MINDY2: variants seen among roughly 807,000 people sequenced by gnomAD.
The protein encoded by MINDY2 is ubiquitin carboxyl-terminal hydrolase MINDY-2.
Under a neutral mutation model 68.2 loss-of-function variants are expected in MINDY2, and 52 were observed. That is an observed-to-expected ratio of 0.76 (90% CI 0.61 to 0.96). MINDY2 has a LOEUF of 0.96. Among genes scored for constraint, MINDY2 ranks in the 40% least tolerant of loss-of-function variants. The probability of loss-of-function intolerance (pLI) is 0.00; values close to 1 mark genes in which losing one functional copy is unlikely to be tolerated. For missense variants in MINDY2, 881 were observed against 773.4 expected (o/e 1.14, Z -1.65); for synonymous variants, 372 against 303.0 (o/e 1.23, Z -2.36).
chr15:58,800,484 A>G (rs1902568196), intron 2 of MINDY2, among the ~76,000 whole-genome samples: 1 of 152,174 alleles, frequency 6.6e-6, no homozygotes, highest in Non-Finnish European at 1.5e-5. Flanking sequence ...AAGTTTACTC[A>G]TTCAACCATG....
At position 58,850,205 on chromosome 15, in the gene MINDY2, T is replaced by C. The variant is rs2032747307; in HGVS notation, c.1543-1566T>C. 2.0e-5 allele frequency among the ~76,000 whole-genome samples: 3 copies of C among 152,214 alleles called. No homozygotes were observed. The South Asian group carries it at 6.2e-4, about 32-fold the overall frequency. On this transcript the variant is annotated intron_variant, in intron 7 of 8. Coordinates refer to ENST00000559228, the MANE Select transcript of MINDY2 (RefSeq NM_001040450.3). ...AAAATGCACTGTTTCTGATAGAAAC[T>C]AATCTGAGTGTGTACATGGGAGGAG...
At chr15:58,794,083 A>G (rs1902113366) in intron 2 of MINDY2, among the ~76,000 whole-genome samples, 1 of 151,760 alleles carries the variant, frequency 6.6e-6, no homozygotes, top group East Asian at 1.9e-4. Context: ...GTTGCTCTAC[A>G]TGTTGCCAGT....
intron 5 of MINDY2, among the ~76,000 whole-genome samples, chr15:58,830,905 A>G (rs1408633562): frequency 1.3e-5 from 2 of 152,068 alleles, no homozygotes; most frequent in Non-Finnish European, 2.9e-5. Flanking sequence ...ACAAACAAGC[A>G]TGAAAATGCT....
At chr15:58,834,767 C>T (rs1467620683) in intron 6 of MINDY2, among the ~76,000 whole-genome samples, 3 of 152,162 alleles carry the variant, frequency 2.0e-5, no homozygotes, top group African/African-American at 7.2e-5. Flanking sequence ...TTCTTCAACA[C>T]TTTAGTCAAT....
chr15:58,809,040 G>A (rs548899258), intron 3 of MINDY2, among the ~76,000 whole-genome samples: 9 of 152,224 alleles, frequency 5.9e-5, no homozygotes, highest in South Asian at 2.1e-4. Context: ...GTGAGACCCC[G>A]TCTCTACAAA....
At chr15:58,784,936 G>C (rs1901387113) in intron 1 of MINDY2, among the ~76,000 whole-genome samples, 1 of 151,748 alleles carries the variant, frequency 6.6e-6, no homozygotes, top group East Asian at 1.9e-4. Context: ...TACCCAGCCT[G>C]TTATTTTTTT....
At chr15:58,826,815 C>T (rs1247130118) in intron 5 of MINDY2, among the ~76,000 whole-genome samples, 1 of 152,020 alleles carries the variant, frequency 6.6e-6, no homozygotes, top group Non-Finnish European at 1.5e-5. Flanking sequence ...TCTCTTTAGT[C>T]TTCTGTAATC....
In MINDY2 at chr15:58,825,355, A is replaced by C. The variant is rs528293928; in HGVS notation, c.1225+3536A>C. On this transcript the variant is annotated intron_variant, in intron 5 of 8. Coordinates refer to ENST00000559228, the MANE Select transcript of MINDY2 (RefSeq NM_001040450.3). ...CTTTACGTAGAATACTTAATTGTAG[A>C]ATACACTGCTTTCGGGTGTCGATAC... 3.3e-5 allele frequency among the ~76,000 whole-genome samples: 5 copies of C among 152,300 alleles called. No individual in the cohort carries two copies. In the South Asian group the frequency reaches 1.0e-3, roughly 32 times the overall value.
intron 1 of MINDY2, among the ~76,000 whole-genome samples, chr15:58,782,908 TCTG>T (rs1901239360): frequency 7.7e-6 from 1 of 129,116 alleles, no homozygotes; most frequent in Non-Finnish European, 1.6e-5. Context: ...ATTTTTTCTC[TCTG>T]TTTTTTTTTT....
chr15:58,784,933 C>G (rs1901386949), intron 1 of MINDY2, among the ~76,000 whole-genome samples: 1 of 151,830 alleles, frequency 6.6e-6, no homozygotes, highest in Non-Finnish European at 1.5e-5. Context: ...CCGTACCCAG[C>G]CTGTTATTTT....
chr15:58,783,971 A>G (rs1901321917), intron 1 of MINDY2, among the ~76,000 whole-genome samples: 1 of 152,034 alleles, frequency 6.6e-6, no homozygotes, highest in Non-Finnish European at 1.5e-5. Context: ...TTATAATGGA[A>G]TATTTGGAGT....
chr15:58,849,288 G>A (rs1466827356), intron 7 of MINDY2, among the ~76,000 whole-genome samples: 2 of 151,794 alleles, frequency 1.3e-5, no homozygotes, highest in African/African-American at 2.4e-5. Context: ...CGATCACGAG[G>A]TCGGGAGATC....
intron 1 of MINDY2, among the ~76,000 whole-genome samples, chr15:58,778,722 G>A (rs1040182758): frequency 6.6e-6 from 1 of 151,442 alleles, no homozygotes; most frequent in Admixed American, 6.6e-5. Context: ...GACCTCCCGA[G>A]CTCAAGCAAT....
Position 58,860,578 on chromosome 15 carries a change from A to G in MINDY2, c.*5968A>G, listed in dbSNP as rs1304702851. ...GACTGAGCGAGACTCTTATATCTCA[A>G]AAAAAAAAAAAAAAAAAAGTCAAGA... On this transcript the variant is annotated 3_prime_UTR_variant, in exon 9 of 9. Coordinates refer to ENST00000559228, the MANE Select transcript of MINDY2 (RefSeq NM_001040450.3). 1 of 147,660 alleles carries G rather than the reference A, an allele frequency of 6.8e-6. No individual in the cohort carries two copies. The highest frequency in any genetic ancestry group is 2.5e-5 in the African/African-American group (1 of 40,672). 9.1% of individuals were successfully genotyped at this position (147,660 alleles called of 1,614,324 possible). A position where few individuals can be genotyped will look rare whatever the true frequency, so the allele number is the denominator to read the frequency against.
intron 3 of MINDY2, among the ~76,000 whole-genome samples, chr15:58,809,484 T>A (rs2030066891): frequency 6.6e-6 from 1 of 152,200 alleles, no homozygotes; most frequent in South Asian, 2.1e-4. Context: ...CAGTTGTAAC[T>A]AAGAATAGAT....
chr15:58,788,063 C>A, intron 2 of MINDY2, 100 bp downstream of exon 2: 2 of 735,790 alleles, frequency 2.7e-6, no homozygotes, highest in Admixed American at 2.8e-5. Flanking sequence ...ATTATATAAT[C>A]TATTTTAAAA....
At chr15:58,798,342 A>G (rs1262285230) in intron 2 of MINDY2, among the ~76,000 whole-genome samples, 2 of 146,042 alleles carry the variant, frequency 1.4e-5, no homozygotes, top group Non-Finnish European at 3.0e-5. Flanking sequence ...GGCCAGGCTG[A>G]TCTCGAACTC....
intron 4 of MINDY2, among the ~76,000 whole-genome samples, chr15:58,816,159 A>G (rs1252427799): frequency 6.6e-6 from 1 of 152,232 alleles, no homozygotes; most frequent in African/African-American, 2.4e-5. Flanking sequence ...CATAATAGCA[A>G]GGACTTGGCA....
At chr15:58,854,444 T>C in intron 8 of MINDY2, 38 bp from the exon 9 acceptor site, 1 of 1,593,302 alleles carries the variant, frequency 6.3e-7, no homozygotes, top group Non-Finnish European at 8.5e-7. Context: ...TCCCTCAGAA[T>C]AGTTAGAGTA....
Sources: gnomAD v4.1 joint callset for allele counts (sites outside exome capture counted in the v4.1 genomes callset) on GRCh38, gnomAD v4.1.1 for gene constraint, MANE v1.5 for transcripts, NCBI Gene and HGNC (gene_info 2026-07-23, HGNC 2026-07-21) for gene names.